The following PARD3B variants were observed in gnomAD, a reference collection of about 807,000 sequenced individuals.
PARD3B encodes par-3 family cell polarity regulator beta.
A neutral mutation model predicts 130.2 loss-of-function variants in PARD3B; 103 were observed. The ratio of observed to expected loss-of-function variants is 0.79; its 90% CI spans 0.67 to 0.93. The LOEUF (loss-of-function observed/expected upper bound fraction) is 0.93. Among genes scored for constraint, PARD3B ranks in the 40% least tolerant of loss-of-function variants. The pLI is 0.00. For synonymous variants in PARD3B, 583 were observed against 553.2 expected, an observed-to-expected ratio of 1.05 and a Z score of -0.76; for missense variants, 1,609 against 1,499.2, an observed-to-expected ratio of 1.07 and a Z score of -1.21.
chr2:205,223,643 C>G (rs1341558967), intron 15 of PARD3B, among the ~76,000 whole-genome samples: 1 of 152,106 alleles, frequency 6.6e-6, no homozygotes, highest in Non-Finnish European at 1.5e-5. Context: ...ACCAACCAAC[C>G]AACCAAATAA....
At chr2:204,714,261 A>C (rs963088256) in intron 2 of PARD3B, among the ~76,000 whole-genome samples, 2 of 152,194 alleles carry the variant, frequency 1.3e-5, no homozygotes, top group Admixed American at 6.5e-5. Context: ...GTAACCCTGC[A>C]AAATAACATT....
chr2:205,114,652 A>G (rs1415734177), intron 6 of PARD3B, among the ~76,000 whole-genome samples: 1 of 152,090 alleles, frequency 6.6e-6, no homozygotes, highest in Non-Finnish European at 1.5e-5. Flanking sequence ...TATTCAATTC[A>G]GTCTGCCCTA....
At position 205,473,970 on chromosome 2, in the gene PARD3B, C is replaced by G. The variant is rs2048939526; in HGVS notation, c.3045-25926C>G. Reference sequence around the variant, plus strand: ...TAGAGTAACTCATATTGGTAGGTTTCATTATGGGTCATAAAGCACTGTCAT... The same window carrying G: ...TAGAGTAACTCATATTGGTAGGTTTGATTATGGGTCATAAAGCACTGTCAT... On this transcript the variant is annotated intron_variant, in intron 20 of 22. Transcript: ENST00000406610. The surrounding 1 kb of genome is among the most constrained non-coding windows in gnomAD (Gnocchi z 4.9). 6.6e-6 allele frequency among the ~76,000 whole-genome samples: 1 copy of G among 151,472 alleles called. No homozygotes were observed. The highest frequency in any genetic ancestry group is 1.5e-5 in the Non-Finnish European group (1 of 67,808).
chr2:205,024,162 CTTTTTTTTTT>C (rs1172893472), intron 3 of PARD3B, among the ~76,000 whole-genome samples: 2 of 98,744 alleles, frequency 2.0e-5, no homozygotes, highest in African/African-American at 7.8e-5. Flanking sequence ...TTCTTTCTTT[CTTTTTTTTTT>C]TTTTTTTTTT....
intron 20 of PARD3B, among the ~76,000 whole-genome samples, chr2:205,489,415 T>C (rs1408934827): frequency 6.6e-6 from 1 of 151,304 alleles, no homozygotes; most frequent in East Asian, 2.0e-4. Flanking sequence ...AGTTCGAGGT[T>C]ACAATCAGCT....
At chr2:205,190,893 A>C (rs2036357735) in intron 14 of PARD3B, among the ~76,000 whole-genome samples, 1 of 152,110 alleles carries the variant, frequency 6.6e-6, no homozygotes, top group Non-Finnish European at 1.5e-5. Flanking sequence ...TTCTTCTATA[A>C]AATGGGCTGA....
chr2:204,670,878 A>T (rs1353045879), intron 1 of PARD3B, among the ~76,000 whole-genome samples: 2 of 152,142 alleles, frequency 1.3e-5, no homozygotes, highest in South Asian at 2.1e-4. Context: ...TTTAATAGTT[A>T]TGTAAAATGT....
At chr2:205,267,222 CTT>C (rs1429933480) in intron 16 of PARD3B, among the ~76,000 whole-genome samples, 1 of 152,146 alleles carries the variant, frequency 6.6e-6, no homozygotes, top group Non-Finnish European at 1.5e-5. Flanking sequence ...TTAACAGACT[CTT>C]TTAACATTTA....
intron 10 of PARD3B, among the ~76,000 whole-genome samples, chr2:205,155,695 C>G (rs1575988325): frequency 6.6e-6 from 1 of 152,190 alleles, no homozygotes; most frequent in East Asian, 1.9e-4. Context: ...TCTCCACATC[C>G]TCTCCAGCAC....
chr2:205,278,861 G>A (rs1332996292), intron 16 of PARD3B, among the ~76,000 whole-genome samples: 2 of 151,930 alleles, frequency 1.3e-5, no homozygotes, highest in Non-Finnish European at 2.9e-5. Flanking sequence ...CTTGAGATCA[G>A]GAGTTCGAGA....
rs187043608 is a variant in PARD3B at position 204,962,812 on chromosome 2, C to G, written c.223-2340C>G. Among the ~76,000 whole-genome samples, 11 of 152,234 alleles carry G rather than the reference C, an allele frequency of 7.2e-5. No individual in the cohort carries two copies. The East Asian group carries it at 1.9e-3, about 27-fold the overall frequency. On this transcript the variant is annotated intron_variant, in intron 2 of 22. Coordinates refer to ENST00000406610, the MANE Select transcript of PARD3B (RefSeq NM_001302769.2). The stretch of plus-strand genomic sequence containing the variant: ...AGCCATGACAGGTCAGGAGCTGGTC[C>G]TCTTCTTCCCAGGAGTACAGACTTT...
intron 15 of PARD3B, among the ~76,000 whole-genome samples, chr2:205,201,613 A>G (rs1004613070): frequency 6.6e-6 from 1 of 152,186 alleles, no homozygotes; most frequent in Non-Finnish European, 1.5e-5. Context: ...CAAGGCGGGC[A>G]GATCACCTGA....
intron 1 of PARD3B, among the ~76,000 whole-genome samples, chr2:204,577,956 A>G (rs1016937248): frequency 6.6e-6 from 1 of 152,128 alleles, no homozygotes; most frequent in Non-Finnish European, 1.5e-5. Flanking sequence ...GTCCCCTAGG[A>G]CATTGTGCAA....
chr2:204,672,253 T>C (rs2036341289), intron 1 of PARD3B, among the ~76,000 whole-genome samples: 1 of 152,236 alleles, frequency 6.6e-6, no homozygotes. Flanking sequence ...CTAATTGTTT[T>C]TGGAGTTTGG....
intron 2 of PARD3B, among the ~76,000 whole-genome samples, chr2:204,801,995 GATGGATTA>G (rs1211822146): frequency 1.3e-5 from 2 of 152,148 alleles, no homozygotes; most frequent in Admixed American, 6.6e-5. Flanking sequence ...TTGTTTATGT[GATGGATTA>G]TGTTTATTGA....
rs1702117062 is a variant in PARD3B, at chr2:205,091,624, T to C, written c.505-12802T>C. 1.3e-5 allele frequency among the ~76,000 whole-genome samples: 2 copies of C among 152,176 alleles called. No individual in the cohort carries two copies. The highest frequency in any genetic ancestry group is 6.5e-5 in the Admixed American group (1 of 15,268). On this transcript the variant is annotated intron_variant, in intron 4 of 22. Coordinates refer to ENST00000406610, the MANE Select transcript of PARD3B (RefSeq NM_001302769.2). The surrounding 1 kb of genome is among the most constrained non-coding windows in gnomAD (Gnocchi z 4.2). ...GTCTCTTACAATTCTGTCAAAGATATGGGCTTGGATTAGCAGCTACATATC... is the reference window on the plus strand; with the variant it reads ...GTCTCTTACAATTCTGTCAAAGATACGGGCTTGGATTAGCAGCTACATATC...
intron 16 of PARD3B, chr2:205,293,413 A>AC (rs1490798680): frequency 6.6e-6 from 1 of 152,218 alleles, no homozygotes; most frequent in Non-Finnish European, 1.5e-5. Context: ...GGAAAAAATC[A>AC]CCGCAATGGT....
At chr2:205,556,353 C>T (rs2052885768) in intron 22 of PARD3B, among the ~76,000 whole-genome samples, 2 of 152,082 alleles carry the variant, frequency 1.3e-5, no homozygotes, top group South Asian at 4.2e-4. Flanking sequence ...TTGGAGCCAT[C>T]GACACAGAGA....
intron 4 of PARD3B, among the ~76,000 whole-genome samples, chr2:205,052,561 TG>T (rs1401052800): frequency 6.7e-6 from 1 of 150,262 alleles, no homozygotes; most frequent in Admixed American, 6.6e-5. Flanking sequence ...AGCCAGGGGA[TG>T]GGGGTGTGTT....
Sources: gnomAD v4.1 joint callset for allele counts (sites outside exome capture counted in the v4.1 genomes callset) on GRCh38, gnomAD v4.1.1 for gene constraint, Gnocchi (gnomAD v3.1) non-coding constraint, MANE v1.5 for transcripts, NCBI Gene and HGNC (gene_info 2026-07-23, HGNC 2026-07-21) for gene names.